Variants in ELF2 observed in about 807,000 individuals in gnomAD.
ELF2 encodes the protein ETS-related transcription factor Elf-2.
In ELF2, 11 loss-of-function variants were observed where a neutral mutation model predicts 54.8. The observed-to-expected ratio is 0.20, with a 90% CI of 0.13 to 0.33. The LOEUF (loss-of-function observed/expected upper bound fraction) is 0.33. ELF2 is among the 10% of genes least tolerant of loss of function. ELF2 has a pLI of 1.00. For synonymous variants in ELF2, 203 were observed against 245.1 expected, an observed-to-expected ratio of 0.83 and a Z score of 1.61; for missense variants, 513 against 703.0, an observed-to-expected ratio of 0.73 and a Z score of 3.06.
chr4:139,083,315 C>G (rs1372564963), intron 4 of ELF2, among the ~76,000 whole-genome samples: 1 of 152,164 alleles, frequency 6.6e-6, no homozygotes, highest in Non-Finnish European at 1.5e-5. Context: ...ACGCCGCAAC[C>G]CTCCAGGTCA....
At chr4:139,150,932 G>A (rs1739811884) in intron 1 of ELF2, among the ~76,000 whole-genome samples, 1 of 149,982 alleles carries the variant, frequency 6.7e-6, no homozygotes, top group Non-Finnish European at 1.5e-5. Context: ...GACTGAGGCA[G>A]GAGAATGGCG....
At chr4:139,102,641 G>A (rs1003241670) in intron 4 of ELF2, among the ~76,000 whole-genome samples, 2 of 151,228 alleles carry the variant, frequency 1.3e-5, no homozygotes, top group African/African-American at 4.9e-5. Flanking sequence ...AGGAGTTTTA[G>A]ACCAGCCTGG....
At chr4:139,145,715 G>A (rs538751842) in intron 1 of ELF2, among the ~76,000 whole-genome samples, 16 of 152,122 alleles carry the variant, frequency 1.1e-4, no homozygotes, top group Non-Finnish European at 2.2e-4. Context: ...TTTAATCCCA[G>A]GAATGCAGGG....
intron 4 of ELF2, among the ~76,000 whole-genome samples, chr4:139,094,799 A>T (rs1048080601): frequency 1.3e-5 from 2 of 152,182 alleles, no homozygotes; most frequent in Non-Finnish European, 2.9e-5. Flanking sequence ...TGAAATAGGC[A>T]TCTAATTTTA....
At chr4:139,089,685 C>T (rs1052498504) in intron 4 of ELF2, among the ~76,000 whole-genome samples, 3 of 152,064 alleles carry the variant, frequency 2.0e-5, no homozygotes, top group Admixed American at 1.3e-4. Context: ...TGTCAGTATA[C>T]GTAAATATAG....
At chr4:139,100,283 T>C (rs1237750351) in intron 4 of ELF2, 1 of 152,048 alleles carries the variant, frequency 6.6e-6, no homozygotes, top group East Asian at 1.9e-4. Flanking sequence ...TCTTTTTTTT[T>C]CCTTTTTGGG....
At chr4:139,115,124 C>G (rs1184759620) in intron 4 of ELF2, 19 of 1,613,598 alleles carry the variant, frequency 1.2e-5, no homozygotes, top group African/African-American at 4.0e-5. Context: ...TCCTGGCAGT[C>G]GTAGAGGCGC....
At chr4:139,137,214 T>C (rs983926566) in intron 3 of ELF2, 3 of 160,242 alleles carry the variant, frequency 1.9e-5, no homozygotes, top group African/African-American at 7.2e-5. Context: ...CACACCGATT[T>C]AGATATAAAA....
chr4:139,074,516 C>T (rs951199461), intron 4 of ELF2, among the ~76,000 whole-genome samples: 1 of 151,974 alleles, frequency 6.6e-6, no homozygotes, highest in African/African-American at 2.4e-5. Context: ...CCTGTAAGCA[C>T]TTTGAGAGGC....
At chr4:139,094,938 T>G (rs1365378990) in intron 4 of ELF2, among the ~76,000 whole-genome samples, 1 of 152,172 alleles carries the variant, frequency 6.6e-6, no homozygotes, top group East Asian at 1.9e-4. Context: ...TATTGATTAT[T>G]GCTCTTGCAT....
chr4:139,094,891 T>C (rs755790754), intron 4 of ELF2, among the ~76,000 whole-genome samples: 17 of 152,176 alleles, frequency 1.1e-4, no homozygotes, highest in African/African-American at 2.2e-4. Context: ...TTTGTTTTTT[T>C]ACTATTATCA....
intron 4 of ELF2, chr4:139,115,474 A>T (rs62320535): frequency 1.1e-6 from 1 of 894,452 alleles, no homozygotes; most frequent in African/African-American, 1.8e-5. Flanking sequence ...CGGCGAGGGC[A>T]GCGGCGGGGG....
chr4:139,092,414 T>TATCATAACAAACATA (rs70940488), intron 4 of ELF2, among the ~76,000 whole-genome samples: 1 of 87,762 alleles, frequency 1.1e-5, no homozygotes, highest in South Asian at 4.0e-4. Flanking sequence ...TAACATAACA[T>TATCATAACAAACATA]ACATAACATA....
intron 1 of ELF2, among the ~76,000 whole-genome samples, chr4:139,167,483 A>G (rs928526762): frequency 2.6e-5 from 4 of 152,210 alleles, no homozygotes; most frequent in Non-Finnish European, 5.9e-5. Context: ...AAACTATTTT[A>G]TAAACAAATT....
intron 8 of ELF2, among the ~76,000 whole-genome samples, chr4:139,061,372 C>T (rs1334174379): frequency 6.6e-6 from 1 of 151,718 alleles, no homozygotes; most frequent in Non-Finnish European, 1.5e-5. Flanking sequence ...ACAGGATTTC[C>T]CCATGTTGGC....
chr4:139,169,921 C>T (rs1401231533), intron 1 of ELF2, among the ~76,000 whole-genome samples: 3 of 150,890 alleles, frequency 2.0e-5, no homozygotes, highest in Admixed American at 6.6e-5. Context: ...TAGTTTACTA[C>T]GGTATGCATA....
In ELF2 at chr4:139,134,564, GTTATT is replaced by G. The variant is rs1201224922; in HGVS notation, c.72+3061_72+3065del. ...ATTGTATTGTATTGTTTTATTTTAT[GTTATT>G]TTATTTTATGTTATATTTATTTTAT... On this transcript the variant is annotated intron_variant, in intron 3 of 9. Transcript: ENST00000686138. Among the ~76,000 whole-genome samples the G allele has an allele frequency of 3.9e-3, 566 of 146,472 alleles. 5 individuals are homozygous for G. The highest frequency in any genetic ancestry group is 0.014 in the African/African-American group (525 of 37,910).
intron 4 of ELF2, among the ~76,000 whole-genome samples, chr4:139,079,729 T>C (rs963217962): frequency 1.6e-4 from 24 of 152,130 alleles, no homozygotes; most frequent in Non-Finnish European, 2.4e-4. Context: ...CTGGCCAACA[T>C]GGTAAAACCC....
rs3041235 is a variant in ELF2 at position 139,169,857 on chromosome 4, T to TAAA, written c.-252+7107_-252+7109dup. Among the ~76,000 whole-genome samples the TAAA allele has an allele frequency of 6.7e-4, 86 of 129,116 alleles. 1 individual carries two copies. Among genetic ancestry groups the TAAA allele is most frequent in the South Asian group, 2.4e-3 (10 of 4,182 alleles). The allele number at this position is 129,116 out of a possible 152,430, so 84.7% of individuals were successfully genotyped here. ...GCGCGACAGAGCGAGACTCTTGTCT[T>TAAA]AAAAAAAAAAAAAAAAAAAGCTATG... On this transcript the variant is annotated intron_variant, in intron 1 of 9. Transcript: ENST00000686138.
Sources: gnomAD v4.1 joint callset for allele counts (sites outside exome capture counted in the v4.1 genomes callset) on GRCh38, gnomAD v4.1.1 for gene constraint, MANE v1.5 for transcripts, NCBI Gene and HGNC (gene_info 2026-07-23, HGNC 2026-07-21) for gene names.